IL1RL1: variants seen among roughly 807,000 people sequenced by gnomAD.
IL1RL1 encodes interleukin 1 receptor like 1, also known as interleukin-1 receptor-like 1.
A neutral mutation model predicts 50.9 loss-of-function variants in IL1RL1; 32 were observed. That is an observed-to-expected ratio of 0.63 (90% CI 0.47 to 0.84). The LOEUF (loss-of-function observed/expected upper bound fraction) is 0.84, where lower values mean the gene tolerates loss of function less well. Among genes scored for constraint, IL1RL1 ranks in the 40% least tolerant of loss-of-function variants. The pLI, the probability that IL1RL1 is intolerant of heterozygous loss-of-function variation, is 0.00. For missense variants in IL1RL1, 773 were observed against 662.9 expected (o/e 1.17, Z -1.82); for synonymous variants, 275 against 236.0 (o/e 1.17, Z -1.51).
intron 1 of IL1RL1, chr2:102,337,198 C>A (rs1253978323): frequency 6.6e-6 from 1 of 152,296 alleles, no homozygotes; most frequent in Non-Finnish European, 1.5e-5. Context: ...GGCCACAAAT[C>A]AAATTTCAGG....
chr2:102,340,530 T>C (rs1389187180), intron 4 of IL1RL1, 136 bp from the exon 5 acceptor site: 2 of 883,140 alleles, frequency 2.3e-6, no homozygotes, highest in Non-Finnish European at 3.5e-6. Flanking sequence ...TGAAAATCAC[T>C]TGAACCTAGA....
At position 102,340,674 on chromosome 2, in the gene IL1RL1, G is replaced by C. The variant is rs1677519496; in HGVS notation, c.456G>C (p.Gln152His). 5 of 1,584,968 alleles carry C rather than the reference G, an allele frequency of 3.2e-6. No homozygotes were observed. The highest frequency in any genetic ancestry group is 4.3e-6 in the Non-Finnish European group (5 of 1,172,232). ...GGAATTTCTTATTTCAGAATTGTCA[G>C]GCTCTTCAAGGATCAAGGTACAGGG... ...TAPLEWFKNCQALQGSRYRAH... is the reference protein window; with the variant it reads ...TAPLEWFKNCHALQGSRYRAH... Residue 152 changes from glutamine to histidine, a missense_variant, in exon 5 of 11, where the codon CAG (glutamine) becomes CAC (histidine). By Grantham distance (24) the Gln-to-His change is conservative (BLOSUM62 0). Transcript: ENST00000233954.
intron 1 of IL1RL1, among the ~76,000 whole-genome samples, chr2:102,313,888 T>G (rs12993677): frequency 0.083 from 12,642 of 152,068 alleles, 582 homozygotes; most frequent in Middle Eastern, 0.31. Flanking sequence ...CTACTACAGG[T>G]TGGTGGAAAA....
chr2:102,312,045 TA>T (rs1676529698), intron 1 of IL1RL1, among the ~76,000 whole-genome samples: 2 of 68,392 alleles, frequency 2.9e-5, no homozygotes, highest in African/African-American at 1.3e-4. Flanking sequence ...TTAAATATTA[TA>T]TATATAATAT....
intron 1 of IL1RL1, among the ~76,000 whole-genome samples, chr2:102,337,606 T>C (rs1484138313): frequency 6.6e-6 from 1 of 152,156 alleles, no homozygotes; most frequent in Non-Finnish European, 1.5e-5. Context: ...GGGTTTGGGG[T>C]TGAGAATAGG....
chr2:102,343,423 G>A lies in IL1RL1; in HGVS notation c.970+8G>A. 6.2e-7 allele frequency: 1 copy of A among 1,614,234 alleles called. No homozygotes were observed. Among genetic ancestry groups the A allele is most frequent in the South Asian group, 1.1e-5 (1 of 91,090 alleles). ...TAAGTAGGAAAAATCCAAGTAAGGAGTGTTTCTGAGACTTTGATCACCTGA... is the reference window on the plus strand; with the variant it reads ...TAAGTAGGAAAAATCCAAGTAAGGAATGTTTCTGAGACTTTGATCACCTGA... On this transcript the variant is annotated splice_region_variant and intron_variant, in intron 8 of 10. Coordinates refer to ENST00000233954, the MANE Select transcript of IL1RL1 (RefSeq NM_016232.5).
At chr2:102,335,389 G>GA (rs5833009) in intron 1 of IL1RL1, among the ~76,000 whole-genome samples, 72,935 of 151,818 alleles carry the variant, frequency 0.48, 17,766 homozygotes, top group Middle Eastern at 0.63. Context: ...ACATTGGGGG[G>GA]AGAAAAGCTT....
At chr2:102,330,548 A>G (rs959522609) in intron 1 of IL1RL1, among the ~76,000 whole-genome samples, 2 of 152,236 alleles carry the variant, frequency 1.3e-5, no homozygotes, top group Admixed American at 6.5e-5. Flanking sequence ...TCTAATAACT[A>G]GTAACTTTGT....
rs924784189 is a variant in IL1RL1 at position 102,328,050 on chromosome 2, A to C, written c.-149-10066A>C. On this transcript the variant is annotated intron_variant, in intron 1 of 10. Transcript: ENST00000233954. ...TACCAAAGCCTGGCAGAGACACAAC[A>C]AAAAAAGAGAATTTTAGACCAATAT... Among the ~76,000 whole-genome samples the C allele has an allele frequency of 1.4e-4, 21 of 152,196 alleles. No homozygotes were observed. In the East Asian group the frequency reaches 3.5e-3, roughly 25 times the overall value.
chr2:102,314,299 C>A (rs1676609276), intron 1 of IL1RL1, among the ~76,000 whole-genome samples: 1 of 152,176 alleles, frequency 6.6e-6, no homozygotes, highest in South Asian at 2.1e-4. Context: ...TCTTGTACTT[C>A]CAACCAATGC....
intron 8 of IL1RL1, 61 bp from the exon 9 acceptor site, chr2:102,347,884 G>C: frequency 1.0e-6 from 1 of 968,904 alleles, no homozygotes. Context: ...CAACATCCAT[G>C]TATCAGTTTA....
rs1172931314 is a variant in IL1RL1 at position 102,343,365 on chromosome 2, A to G, written c.920A>G (p.Asn307Ser). The part of the protein sequence containing the change: ...LLLQYDCLAL[N>S]LHGLRRHTVR... Reference sequence around the variant, plus strand: ...CTGCAGTACGACTGTCTGGCCCTGAATTTGCATGGCTTGAGAAGGCACACC... The same window carrying G: ...CTGCAGTACGACTGTCTGGCCCTGAGTTTGCATGGCTTGAGAAGGCACACC... Residue 307 changes from asparagine to serine, a missense_variant, in exon 8 of 11, where the codon AAT becomes AGT. Physicochemically the swap from Asn to Ser is conservative, Grantham distance 46. Coordinates refer to ENST00000233954, the MANE Select transcript of IL1RL1 (RefSeq NM_016232.5). 4 of 1,614,086 alleles carry G rather than the reference A, an allele frequency of 2.5e-6. No individual in the cohort carries two copies. In the African/African-American group the frequency reaches 4.0e-5, roughly 16 times the overall value.
intron 1 of IL1RL1, chr2:102,337,341 A>C (rs1028285572): frequency 6.6e-6 from 1 of 152,298 alleles, no homozygotes; most frequent in Non-Finnish European, 1.5e-5. Flanking sequence ...AGTTTGGGTA[A>C]GCATCAATTA....
At chr2:102,321,988 A>G (rs1489452182) in intron 1 of IL1RL1, among the ~76,000 whole-genome samples, 1 of 152,188 alleles carries the variant, frequency 6.6e-6, no homozygotes, top group African/African-American at 2.4e-5. Context: ...AGCTAATAGG[A>G]GATTATCTAT....
rs1380062070 is a variant in IL1RL1, at chr2:102,338,312, A to G, written c.48A>G (p.Thr16=). The G allele has an allele frequency of 6.3e-7, 1 of 1,596,800 alleles. No individual in the cohort carries two copies. Among genetic ancestry groups the G allele is most frequent in the Non-Finnish European group, 8.6e-7 (1 of 1,166,450 alleles). The part of the protein sequence containing the change: ...LAILTILMYS[T]AAKFSKQSWG... ...TTCTCACAATTCTCATGTATTCCACAGCAGCAAAGTTTAGTAAGTATTGCC... is the reference window on the plus strand; with the variant it reads ...TTCTCACAATTCTCATGTATTCCACGGCAGCAAAGTTTAGTAAGTATTGCC... Residue 16 remains threonine, a synonymous_variant, in exon 2 of 11, where the codon ACA becomes ACG. Coordinates refer to ENST00000233954, the MANE Select transcript of IL1RL1 (RefSeq NM_016232.5).
At chr2:102,323,279 T>TATA (rs1559596441) in intron 1 of IL1RL1, among the ~76,000 whole-genome samples, 61 of 38,012 alleles carry the variant, frequency 1.6e-3, no homozygotes, top group African/African-American at 5.1e-3. Flanking sequence ...ATATAGTGTG[T>TATA]GTGTGTGTGT....
At chr2:102,313,711 A>C (rs1335675463) in intron 1 of IL1RL1, among the ~76,000 whole-genome samples, 1 of 152,210 alleles carries the variant, frequency 6.6e-6, no homozygotes, top group African/African-American at 2.4e-5. Flanking sequence ...GATGACTTTG[A>C]GCCAGGCTGA....
In IL1RL1 at chr2:102,311,881, TATA is replaced by T. The variant is rs1158398062; in HGVS notation, c.-150+262_-150+264del. Among the ~76,000 whole-genome samples the T allele has an allele frequency of 1.2e-4, 5 of 41,314 alleles. 1 individual carries two copies. Among genetic ancestry groups the T allele is most frequent in the African/African-American group, 3.7e-4 (3 of 8,158 alleles). The allele number at this position is 41,314 out of a possible 152,430, so 27.1% of individuals were successfully genotyped here. ...TAATTATATAATATATATTATATAA[TATA>T]ATATATAATATATCATATATGTTAT... On this transcript the variant is annotated intron_variant, in intron 1 of 10. Coordinates refer to ENST00000233954, the MANE Select transcript of IL1RL1 (RefSeq NM_016232.5).
chr2:102,333,759 C>T (rs1204683376), intron 1 of IL1RL1, among the ~76,000 whole-genome samples: 1 of 152,006 alleles, frequency 6.6e-6, no homozygotes, highest in African/African-American at 2.4e-5. Context: ...TTTTGGAGTC[C>T]CCAGTGTCTA....
Sources: allele counts gnomAD v4.1 joint callset (sites outside exome capture counted in the v4.1 genomes callset), GRCh38; gene constraint gnomAD v4.1.1; transcripts MANE v1.5; gene names NCBI Gene and HGNC (gene_info 2026-07-23, HGNC 2026-07-21).